The following DCC variants were observed in gnomAD, a reference collection of about 807,000 sequenced individuals.
DCC encodes DCC netrin 1 receptor.
DCC carries 58 observed loss-of-function variants against 172.5 expected under a neutral mutation model. The observed-to-expected ratio is 0.34, with a 90% CI of 0.27 to 0.42. DCC has a LOEUF of 0.42. Ranked by LOEUF, DCC falls within the 10% of genes least tolerant of loss-of-function variation. DCC has a pLI of 1.00. For missense variants in DCC, 1,740 were observed against 1,791.0 expected (o/e 0.97, Z 0.51); for synonymous variants, 709 against 644.5 (o/e 1.10, Z -1.52).
chr18:52,402,232 T>C (rs1986467441), intron 1 of DCC, among the ~76,000 whole-genome samples: 2 of 152,024 alleles, frequency 1.3e-5, no homozygotes, highest in South Asian at 4.1e-4. Flanking sequence ...TTGGTGGTAG[T>C]ATAGTGTGAT....
intron 2 of DCC, among the ~76,000 whole-genome samples, chr18:52,890,465 A>G (rs1598902739): frequency 6.6e-6 from 1 of 152,274 alleles, no homozygotes; most frequent in Admixed American, 6.6e-5. Flanking sequence ...CGCCTAAAAC[A>G]GCTCACTATG....
chr18:52,546,690 A>ATCC (rs1012333269), intron 1 of DCC, among the ~76,000 whole-genome samples: 1 of 151,598 alleles, frequency 6.6e-6, no homozygotes, highest in Non-Finnish European at 1.5e-5. Flanking sequence ...CATCATCATC[A>ATCC]TCCCTGGTAA....
chr18:53,083,707 C>T (rs1306137613), intron 7 of DCC, among the ~76,000 whole-genome samples: 1 of 152,098 alleles, frequency 6.6e-6, no homozygotes, highest in East Asian at 1.9e-4. Context: ...AAATCTAGCT[C>T]TTTGTTTACA....
intron 21 of DCC, among the ~76,000 whole-genome samples, chr18:53,421,759 T>A (rs920245694): frequency 6.6e-6 from 1 of 152,194 alleles, no homozygotes; most frequent in African/African-American, 2.4e-5. Context: ...CAGACTAAAT[T>A]ATCTTTTGGT....
rs1340280152 is a variant in DCC, at chr18:53,499,255, T to C, written c.3899-43T>C. Reference sequence around the variant, plus strand: ...TTCCAGTGACTTAAGGAAAACAGACTTTGTCCAGGAATAATGAATGACTTT... The same window carrying C: ...TTCCAGTGACTTAAGGAAAACAGACCTTGTCCAGGAATAATGAATGACTTT... On this transcript the variant is annotated intron_variant, in intron 26 of 28. Coordinates refer to ENST00000442544, the MANE Select transcript of DCC (RefSeq NM_005215.4). 6.2e-6 allele frequency: 10 copies of C among 1,602,590 alleles called. No individual in the cohort carries two copies. In the Admixed American group the frequency reaches 1.7e-4, roughly 27 times the overall value.
At chr18:53,066,023 T>C (rs2042560651) in intron 6 of DCC, 23 bp from the exon 7 acceptor site, 8 of 1,611,822 alleles carry the variant, frequency 5.0e-6, no homozygotes, top group Admixed American at 1.7e-5. Context: ...TAAAATACTT[T>C]ACCTGCTTTT....
intron 12 of DCC, among the ~76,000 whole-genome samples, chr18:53,228,264 AAAT>A (rs2056066347): frequency 6.8e-6 from 1 of 147,162 alleles, no homozygotes; most frequent in Admixed American, 6.8e-5. Flanking sequence ...AAAAAAATAA[AAAT>A]AAAAAATAAA....
chr18:52,567,878 G>C (rs2033197427), intron 1 of DCC, among the ~76,000 whole-genome samples: 1 of 152,006 alleles, frequency 6.6e-6, no homozygotes, highest in African/African-American at 2.4e-5. Flanking sequence ...TCTGTACTTT[G>C]ACTGTGATGA....
At chr18:53,464,171 C>A (rs1013700606) in intron 24 of DCC, among the ~76,000 whole-genome samples, 2 of 152,242 alleles carry the variant, frequency 1.3e-5, no homozygotes. Flanking sequence ...TATTTGATCT[C>A]TAGGACTTAC....
rs544842578 is a variant in DCC at position 53,198,456 on chromosome 18, A to T, written c.1574-6760A>T. Among the ~76,000 whole-genome samples the T allele has an allele frequency of 1.4e-4, 21 of 150,546 alleles. 1 individual carries two copies. Among genetic ancestry groups the T allele is most frequent in the Admixed American group, 6.6e-4 (10 of 15,086 alleles). ...AGCTCTCTCTCTCTCTCTCTCTCTC[A>T]CACACACACACATACAGACACACAC... On this transcript the variant is annotated intron_variant, in intron 9 of 28. Transcript: ENST00000442544.
At chr18:52,604,684 A>G (rs1257922021) in intron 1 of DCC, among the ~76,000 whole-genome samples, 1 of 152,168 alleles carries the variant, frequency 6.6e-6, no homozygotes, top group Non-Finnish European at 1.5e-5. Context: ...CTGCAAGGGA[A>G]GCTTGGAAGT....
At chr18:52,453,498 G>T (rs1010318870) in intron 1 of DCC, among the ~76,000 whole-genome samples, 1 of 152,032 alleles carries the variant, frequency 6.6e-6, no homozygotes, top group African/African-American at 2.4e-5. Flanking sequence ...CCCATAAAAG[G>T]TTTTCATTAC....
At chr18:52,645,142 A>C (rs1320513095) in intron 1 of DCC, among the ~76,000 whole-genome samples, 1 of 152,196 alleles carries the variant, frequency 6.6e-6, no homozygotes, top group Non-Finnish European at 1.5e-5. Context: ...CATTGTATGT[A>C]GATGAGATCT....
chr18:53,017,299 A>T (rs1269449456), intron 5 of DCC, among the ~76,000 whole-genome samples: 1 of 152,156 alleles, frequency 6.6e-6, no homozygotes, highest in Non-Finnish European at 1.5e-5. Flanking sequence ...TTTTACTTAT[A>T]TGTGATATTT....
chr18:52,857,075 C>G (rs954845891), intron 2 of DCC, among the ~76,000 whole-genome samples: 2 of 152,056 alleles, frequency 1.3e-5, no homozygotes, highest in African/African-American at 4.8e-5. Flanking sequence ...TTTAACTGAT[C>G]CATCACCATT....
chr18:52,813,853 G>A (rs543733503), intron 2 of DCC, among the ~76,000 whole-genome samples: 2 of 152,286 alleles, frequency 1.3e-5, no homozygotes, highest in African/African-American at 2.4e-5. Flanking sequence ...AGACTGCAAT[G>A]ATGCTGCAAC....
At chr18:52,543,799 G>A (rs2032532959) in intron 1 of DCC, among the ~76,000 whole-genome samples, 1 of 152,160 alleles carries the variant, frequency 6.6e-6, no homozygotes, top group African/African-American at 2.4e-5. Context: ...TCCAGCCCTA[G>A]CCTTGCCCAT....
chr18:52,635,990 G>C (rs2034771342), intron 1 of DCC, among the ~76,000 whole-genome samples: 1 of 152,180 alleles, frequency 6.6e-6, no homozygotes, highest in Non-Finnish European at 1.5e-5. Context: ...TGCTCCTGCA[G>C]GACCTGGGAG....
chr18:52,687,066 C>T (rs1251202571), intron 1 of DCC, among the ~76,000 whole-genome samples: 1 of 152,036 alleles, frequency 6.6e-6, no homozygotes, highest in Non-Finnish European at 1.5e-5. Context: ...TTAATCTAGC[C>T]ACTTACTGGG....
Sources: gnomAD v4.1 joint callset for allele counts (sites outside exome capture counted in the v4.1 genomes callset) on GRCh38, gnomAD v4.1.1 for gene constraint, MANE v1.5 for transcripts, NCBI Gene and HGNC (gene_info 2026-07-23, HGNC 2026-07-21) for gene names.